The following ERBB4 variants were observed in gnomAD, a reference collection of about 807,000 sequenced individuals.
The protein encoded by ERBB4 is receptor tyrosine-protein kinase erbB-4.
ERBB4 carries 42 observed loss-of-function variants against 158.0 expected under a neutral mutation model. That is an observed-to-expected ratio of 0.27 (90% CI 0.21 to 0.34). The LOEUF (loss-of-function observed/expected upper bound fraction) is 0.34, where lower values mean the gene tolerates loss of function less well. Ranked by LOEUF, ERBB4 falls within the 10% of genes least tolerant of loss-of-function variation. The pLI is 1.00. For missense variants in ERBB4, 1,333 were observed against 1,624.1 expected, an observed-to-expected ratio of 0.82 and a Z score of 3.08; for synonymous variants, 583 against 558.7, an observed-to-expected ratio of 1.04 and a Z score of -0.61.
chr2:212,307,915 T>C (rs532350350), intron 1 of ERBB4, among the ~76,000 whole-genome samples: 2 of 151,058 alleles, frequency 1.3e-5, no homozygotes, highest in Admixed American at 1.3e-4. Flanking sequence ...AACAGCAGCA[T>C]TGCATCTTCT....
At chr2:212,103,170 TC>T (rs2079131263) in intron 2 of ERBB4, among the ~76,000 whole-genome samples, 1 of 152,214 alleles carries the variant, frequency 6.6e-6, no homozygotes, top group Non-Finnish European at 1.5e-5. Context: ...TTACCTAACT[TC>T]CTCCTGCCCC....
intron 4 of ERBB4, among the ~76,000 whole-genome samples, chr2:211,759,744 A>C (rs1027811068): frequency 1.3e-5 from 2 of 151,316 alleles, no homozygotes; most frequent in African/African-American, 4.8e-5. Context: ...TGTATAATGC[A>C]TAAAAACATG....
At chr2:212,203,134 A>G (rs1177212875) in intron 1 of ERBB4, among the ~76,000 whole-genome samples, 2 of 152,140 alleles carry the variant, frequency 1.3e-5, no homozygotes, top group African/African-American at 4.8e-5. Context: ...TAACACGGAC[A>G]TTGTACATAT....
chr2:211,767,223 C>G (rs1430334568), intron 4 of ERBB4, among the ~76,000 whole-genome samples: 1 of 152,124 alleles, frequency 6.6e-6, no homozygotes, highest in East Asian at 1.9e-4. Context: ...CCTGGTCACC[C>G]TCCACTGGTA....
intron 1 of ERBB4, among the ~76,000 whole-genome samples, chr2:212,178,080 G>A (rs748946314): frequency 1.3e-5 from 2 of 151,468 alleles, no homozygotes; most frequent in Non-Finnish European, 3.0e-5. Context: ...TCCAGAGAAG[G>A]GTAAAAAGTG....
intron 1 of ERBB4, among the ~76,000 whole-genome samples, chr2:212,368,291 T>C (rs544829348): frequency 2.2e-4 from 33 of 152,190 alleles, no homozygotes; most frequent in Admixed American, 4.6e-4. Flanking sequence ...CTGGATGAGA[T>C]TGGAGACTAT....
intron 3 of ERBB4, among the ~76,000 whole-genome samples, chr2:211,808,918 GCT>G (rs2076683564): frequency 6.6e-6 from 1 of 152,002 alleles, no homozygotes. Flanking sequence ...TCATGATTTG[GCT>G]CTCTGTTTGT....
chr2:211,692,172 G>A (rs1484544176), intron 12 of ERBB4, among the ~76,000 whole-genome samples: 1 of 152,154 alleles, frequency 6.6e-6, no homozygotes, highest in African/African-American at 2.4e-5. Flanking sequence ...CTTAGCATAT[G>A]CCTGCCAGGG....
chr2:211,502,067 A>C (rs2065630507), intron 20 of ERBB4, among the ~76,000 whole-genome samples: 1 of 152,158 alleles, frequency 6.6e-6, no homozygotes, highest in Admixed American at 6.5e-5. Context: ...ACAGCCAAAG[A>C]AATGAGTTCA....
intron 3 of ERBB4, among the ~76,000 whole-genome samples, chr2:211,863,034 A>G (rs2078105117): frequency 6.6e-6 from 1 of 151,982 alleles, no homozygotes; most frequent in Non-Finnish European, 1.5e-5. Context: ...AAAGGATTGT[A>G]AATGCACCAA....
intron 1 of ERBB4, among the ~76,000 whole-genome samples, chr2:212,133,474 T>A (rs886768414): frequency 2.0e-5 from 3 of 151,498 alleles, no homozygotes; most frequent in African/African-American, 7.3e-5. Flanking sequence ...AGTTTACCTT[T>A]TTATGATATG....
chr2:211,441,205 A>G (rs1478894336), intron 20 of ERBB4, among the ~76,000 whole-genome samples: 3 of 152,036 alleles, frequency 2.0e-5, no homozygotes, highest in African/African-American at 7.3e-5. Context: ...CTTTGTTTCC[A>G]TCTAGTTCCT....
intron 2 of ERBB4, among the ~76,000 whole-genome samples, chr2:212,119,604 C>A (rs944557900): frequency 6.6e-6 from 1 of 152,076 alleles, no homozygotes; most frequent in African/African-American, 2.4e-5. Flanking sequence ...ATGTCTTAAC[C>A]TTGTGATGGT....
chr2:211,921,777 T>C (rs541804106), intron 3 of ERBB4, among the ~76,000 whole-genome samples: 153 of 152,104 alleles, frequency 1.0e-3, no homozygotes, highest in Admixed American at 1.6e-3. Context: ...GAAGTAGTCA[T>C]GGAAAAGAGT....
At chr2:212,523,848 C>T (rs957653503) in intron 1 of ERBB4, among the ~76,000 whole-genome samples, 1 of 151,944 alleles carries the variant, frequency 6.6e-6, no homozygotes, top group East Asian at 1.9e-4. Context: ...GAGCTTACCA[C>T]CCCACACATG....
Position 211,453,483 on chromosome 2 carries a change from A to G in ERBB4, c.2488-22383T>C, listed in dbSNP as rs139687597. On this transcript the variant is annotated intron_variant, in intron 20 of 27. Transcript: ENST00000342788. ...TACTATTTAATATCTTCACTAATGA[A>G]TTATCATTTTAAAAAGAGGAAGAGA... Among the ~76,000 whole-genome samples, 13 of 152,284 alleles carry G rather than the reference A, an allele frequency of 8.5e-5. No individual in the cohort carries two copies. In the East Asian group the frequency reaches 2.5e-3, roughly 29 times the overall value.
intron 3 of ERBB4, among the ~76,000 whole-genome samples, chr2:211,800,776 G>A (rs2076483368): frequency 6.6e-6 from 1 of 151,728 alleles, no homozygotes; most frequent in African/African-American, 2.4e-5. Context: ...AGAGGAAAAG[G>A]CAGCACAATA....
chr2:211,808,798 T>C (rs1004010209), intron 3 of ERBB4, among the ~76,000 whole-genome samples: 2 of 152,240 alleles, frequency 1.3e-5, no homozygotes, highest in Non-Finnish European at 2.9e-5. Context: ...TCCTCTTTTA[T>C]TTCATTGAGC....
intron 12 of ERBB4, among the ~76,000 whole-genome samples, chr2:211,687,304 CA>C (rs34737849): frequency 0.71 from 75,095 of 105,950 alleles, 25,505 homozygotes; most frequent in East Asian, 0.87. Context: ...GACTCCGTCT[CA>C]AAAAAAAAAA....
Sources: gnomAD v4.1 joint callset for allele counts (sites outside exome capture counted in the v4.1 genomes callset) on GRCh38, gnomAD v4.1.1 for gene constraint, MANE v1.5 for transcripts, NCBI Gene and HGNC (gene_info 2026-07-23, HGNC 2026-07-21) for gene names.